ANGPTL2: variants seen among roughly 807,000 people sequenced by gnomAD.
ANGPTL2 encodes angiopoietin-related protein 2.
A neutral mutation model predicts 52.8 loss-of-function variants in ANGPTL2; 25 were observed. That is an observed-to-expected ratio of 0.47 (90% CI 0.35 to 0.66). The LOEUF is 0.66. ANGPTL2 is among the 30% of genes least tolerant of loss of function. The pLI is 0.01. For missense variants in ANGPTL2, 546 were observed against 656.9 expected (o/e 0.83, Z 1.84); for synonymous variants, 276 against 277.4 (o/e 1.00, Z 0.05).
intron 2 of ANGPTL2, among the ~76,000 whole-genome samples, chr9:127,098,979 C>T (rs571970079): frequency 9.2e-5 from 14 of 152,314 alleles, no homozygotes; most frequent in East Asian, 3.9e-4. Flanking sequence ...AACATGGCTC[C>T]GTGAATATCT....
chr9:127,120,546 G>A (rs892024201), intron 1 of ANGPTL2, among the ~76,000 whole-genome samples: 1 of 152,190 alleles, frequency 6.6e-6, no homozygotes, highest in Admixed American at 6.5e-5. Context: ...GTCTCTGGCC[G>A]GGTGCAGTGG....
chr9:127,121,216 C>T (rs2056050447), intron 1 of ANGPTL2, among the ~76,000 whole-genome samples: 1 of 152,212 alleles, frequency 6.6e-6, no homozygotes, highest in Non-Finnish European at 1.5e-5. Context: ...AGCTGTTACT[C>T]TCTGGCCATT....
rs530540820 is a variant in ANGPTL2, at chr9:127,087,410, T to A, written c.*1529A>T. 1 of 152,660 alleles carries A rather than the reference T, an allele frequency of 6.6e-6. No individual in the cohort carries two copies. Among genetic ancestry groups the A allele is most frequent in the African/African-American group, 2.4e-5 (1 of 41,520 alleles). 9.5% of individuals were successfully genotyped at this position (152,660 alleles called of 1,614,324 possible). A position where few individuals can be genotyped will look rare whatever the true frequency, so the allele number is the denominator to read the frequency against. On this transcript the variant is annotated 3_prime_UTR_variant, in exon 5 of 5. Transcript: ENST00000373425. ...CAAGGATAATCTGGGAATATATTTTTAAAAAAACCCTCCCTTTTATATACA... is the reference window on the plus strand; with the variant it reads ...CAAGGATAATCTGGGAATATATTTTAAAAAAAACCCTCCCTTTTATATACA...
At chr9:127,110,308 T>C (rs529244312) in intron 1 of ANGPTL2, among the ~76,000 whole-genome samples, 51 of 152,310 alleles carry the variant, frequency 3.3e-4, no homozygotes, top group African/African-American at 1.2e-3. Context: ...TGGGATACAG[T>C]TGGGCTCCCT....
chr9:127,121,159 G>T (rs2056044285), intron 1 of ANGPTL2, among the ~76,000 whole-genome samples: 1 of 152,206 alleles, frequency 6.6e-6, no homozygotes, highest in African/African-American at 2.4e-5. Context: ...TGGTCATGAG[G>T]ATTCTACAAG....
chr9:127,098,252 C>T (rs2053354711), intron 2 of ANGPTL2, among the ~76,000 whole-genome samples: 1 of 152,218 alleles, frequency 6.6e-6, no homozygotes. Flanking sequence ...TTTCAACGTG[C>T]AGTGGGCAAA....
intron 1 of ANGPTL2, among the ~76,000 whole-genome samples, chr9:127,113,107 G>C (rs2055015931): frequency 6.6e-6 from 1 of 152,202 alleles, no homozygotes; most frequent in Non-Finnish European, 1.5e-5. Flanking sequence ...TGGGTTACAG[G>C]AAGGAAGGGA....
At chr9:127,103,042 A>G (rs549364176) in intron 2 of ANGPTL2, among the ~76,000 whole-genome samples, 44 of 152,310 alleles carry the variant, frequency 2.9e-4, no homozygotes, top group South Asian at 8.3e-4. Flanking sequence ...ACCTCTCTGC[A>G]GTGCTTGGGC....
intron 2 of ANGPTL2, among the ~76,000 whole-genome samples, chr9:127,102,040 C>T (rs1028821968): frequency 2.0e-5 from 3 of 151,946 alleles, no homozygotes; most frequent in African/African-American, 7.3e-5. Context: ...CAGGGAGAGC[C>T]GAAGTTGAGG....
chr9:127,091,534 AACAG>A lies in ANGPTL2; in HGVS notation c.1282+132_1282+135del. 1 of 1,226,122 alleles carries A rather than the reference AACAG, an allele frequency of 8.2e-7. No individual in the cohort carries two copies. The highest frequency in any genetic ancestry group is 1.1e-6 in the Non-Finnish European group (1 of 882,760). 76.0% of individuals were successfully genotyped at this position (1,226,122 alleles called of 1,614,324 possible). A position where few individuals can be genotyped will look rare whatever the true frequency, so the allele number is the denominator to read the frequency against. ...GGAGAAGGGACCCTCAGGGGGTGGTAACAGGGTCAGGCAGCTTGGCCCAGCTGCT... is the reference window on the plus strand; with the variant it reads ...GGAGAAGGGACCCTCAGGGGGTGGTAGGTCAGGCAGCTTGGCCCAGCTGCT... On this transcript the variant is annotated intron_variant, in intron 4 of 4. Coordinates refer to ENST00000373425, the MANE Select transcript of ANGPTL2 (RefSeq NM_012098.3). This position sits in a 1 kb window ranked among gnomAD's most constrained non-coding sequence, Gnocchi z 4.3.
rs753869827 is a variant in ANGPTL2 at position 127,093,713 on chromosome 9, C to A, written c.1011+20G>T. 2 of 1,612,676 alleles carry A rather than the reference C, an allele frequency of 1.2e-6. No individual in the cohort carries two copies. The highest frequency in any genetic ancestry group is 2.2e-5 in the South Asian group (2 of 90,872). ...CCAGTCACCTTGTGGGCAGCACAGA[C>A]ATCCCCTGCCGAGTCTCACCTTGTA... On this transcript the variant is annotated intron_variant, in intron 3 of 4. Transcript: ENST00000373425.
intron 2 of ANGPTL2, among the ~76,000 whole-genome samples, chr9:127,101,280 C>G (rs1175251223): frequency 6.6e-6 from 1 of 152,234 alleles, no homozygotes; most frequent in Non-Finnish European, 1.5e-5. Flanking sequence ...AAAGCCAGGG[C>G]TCAAGAGGAT....
Position 127,120,649 on chromosome 9 carries a change from C to T in ANGPTL2, c.-50+1666G>A, listed in dbSNP as rs548643008. 5.9e-5 allele frequency among the ~76,000 whole-genome samples: 9 copies of T among 152,194 alleles called. 1 individual carries two copies. The South Asian group carries it at 1.5e-3, about 25-fold the overall frequency. ...CCATCCTGGCTAACGTGGTGAAACC[C>T]GTCTCTACTGAAAATACACACACAC... On this transcript the variant is annotated intron_variant, in intron 1 of 4. Coordinates refer to ENST00000373425, the MANE Select transcript of ANGPTL2 (RefSeq NM_012098.3).
intron 2 of ANGPTL2, among the ~76,000 whole-genome samples, chr9:127,096,183 G>T (rs1384321907): frequency 6.6e-6 from 1 of 152,208 alleles, no homozygotes; most frequent in Admixed American, 6.5e-5. Context: ...CAGGGAAGGG[G>T]AGGCTAGACC....
chr9:127,108,952 A>C (rs1179920952), intron 1 of ANGPTL2, among the ~76,000 whole-genome samples, 172 bp from the exon 2 acceptor site: 2 of 152,184 alleles, frequency 1.3e-5, no homozygotes, highest in Non-Finnish European at 2.9e-5. Context: ...TCTGGAAGCA[A>C]GAGGAGACAG....
At chr9:127,109,932 C>T (rs2054627206) in intron 1 of ANGPTL2, among the ~76,000 whole-genome samples, 1 of 152,188 alleles carries the variant, frequency 6.6e-6, no homozygotes, top group South Asian at 2.1e-4. Flanking sequence ...AGGACACGTG[C>T]TAGATCCCTT....
At chr9:127,102,404 A>G (rs566694995) in intron 2 of ANGPTL2, among the ~76,000 whole-genome samples, 1 of 152,264 alleles carries the variant, frequency 6.6e-6, no homozygotes, top group East Asian at 1.9e-4. Context: ...GTTCACCACA[A>G]CAATCCATTT....
At chr9:127,095,574 G>A (rs2053037832) in intron 2 of ANGPTL2, among the ~76,000 whole-genome samples, 1 of 152,238 alleles carries the variant, frequency 6.6e-6, no homozygotes, top group South Asian at 2.1e-4. Flanking sequence ...GCAGGGTGGG[G>A]CCGCTCTGAC....
chr9:127,100,514 A>G (rs2053613274), intron 2 of ANGPTL2, among the ~76,000 whole-genome samples: 1 of 152,206 alleles, frequency 6.6e-6, no homozygotes, highest in African/African-American at 2.4e-5. Context: ...AAGAGTTTAG[A>G]AGGGGCTTTA....
Sources: allele counts gnomAD v4.1 joint callset (sites outside exome capture counted in the v4.1 genomes callset), GRCh38; gene constraint gnomAD v4.1.1; non-coding constraint Gnocchi (gnomAD v3.1); transcripts MANE v1.5; gene names NCBI Gene and HGNC (gene_info 2026-07-23, HGNC 2026-07-21).